The following SLC22A24 variants were observed in gnomAD, a reference collection of about 807,000 sequenced individuals.
SLC22A24 encodes solute carrier family 22 member 24.
In SLC22A24, 53 loss-of-function variants were observed where a neutral mutation model predicts 49.8. That is an observed-to-expected ratio of 1.06 (90% CI 0.85 to 1.34). The LOEUF (loss-of-function observed/expected upper bound fraction) is 1.34, where lower values mean the gene tolerates loss of function less well. Among genes scored for constraint, SLC22A24 ranks in the 40% most tolerant of loss-of-function variants. The pLI, the probability that SLC22A24 is intolerant of heterozygous loss-of-function variation, is 0.00. For synonymous variants in SLC22A24, 302 were observed against 256.4 expected (o/e 1.18, Z -1.70); for missense variants, 786 against 675.9 (o/e 1.16, Z -1.81).
intron 2 of SLC22A24, among the ~76,000 whole-genome samples, chr11:63,120,709 CA>C (rs1271023476): frequency 6.6e-6 from 1 of 152,056 alleles, no homozygotes; most frequent in Non-Finnish European, 1.5e-5. Flanking sequence ...AGCATACAAA[CA>C]AACTTTAGTT....
chr11:63,122,658 G>A (rs1043746767), intron 2 of SLC22A24, among the ~76,000 whole-genome samples: 27 of 151,978 alleles, frequency 1.8e-4, no homozygotes, highest in Non-Finnish European at 3.2e-4. Flanking sequence ...GGGACTACAG[G>A]CACCCATCAC....
At chr11:63,087,174 T>C (rs1455554740) in intron 6 of SLC22A24, among the ~76,000 whole-genome samples, 1 of 152,098 alleles carries the variant, frequency 6.6e-6, no homozygotes, top group Admixed American at 6.6e-5. Context: ...AGCTCTGGTC[T>C]GCAGCTCCCA....
chr11:63,083,173 TA>T, intron 7 of SLC22A24, 69 bp downstream of exon 7: 2 of 1,298,290 alleles, frequency 1.5e-6, no homozygotes, highest in Non-Finnish European at 1.1e-6. Context: ...GCACCAGGCA[TA>T]AAAGACCAAT....
At chr11:63,085,168 T>A (rs989606300) in intron 6 of SLC22A24, among the ~76,000 whole-genome samples, 1 of 152,024 alleles carries the variant, frequency 6.6e-6, no homozygotes, top group African/African-American at 2.4e-5. Context: ...AAATTAACAT[T>A]TTAGAAAAAT....
At chr11:63,111,434 C>G (rs1388845717) in intron 4 of SLC22A24, among the ~76,000 whole-genome samples, 1 of 151,772 alleles carries the variant, frequency 6.6e-6, no homozygotes, top group East Asian at 1.9e-4. Context: ...GTACCAGTTC[C>G]TCCTTGTACC....
intron 5 of SLC22A24, among the ~76,000 whole-genome samples, chr11:63,098,007 A>G (rs1030491472): frequency 1.3e-5 from 2 of 152,182 alleles, no homozygotes; most frequent in African/African-American, 4.8e-5. Flanking sequence ...TGATGGGTGC[A>G]GCAAACCACC....
At chr11:63,134,440 T>C (rs1026250555) in intron 2 of SLC22A24, among the ~76,000 whole-genome samples, 15 of 152,224 alleles carry the variant, frequency 9.9e-5, no homozygotes, top group African/African-American at 3.4e-4. Flanking sequence ...GATGTCTTTT[T>C]CTGTCCTCTT....
Position 63,081,105 on chromosome 11 carries a change from G to T in SLC22A24, c.1413C>A (p.Ile471=). Residue 471 remains isoleucine (I), a synonymous_variant, in exon 9 of 10, where the codon ATC becomes ATA. Transcript: ENST00000612278. ...PTILRSTVAG[I]NAVSGRTGAA... is the part of the protein sequence containing the mutation. ...CCCCAGTCCTACCGGACACTGCATT[G>T]ATTCCTGCAACTGTTGACCTTAGAG... 1 of 1,551,566 alleles carries T rather than the reference G, an allele frequency of 6.4e-7. No individual in the cohort carries two copies. The highest frequency in any genetic ancestry group is 1.2e-5 in the South Asian group (1 of 84,054).
At chr11:63,127,209 A>C (rs2087297918) in intron 2 of SLC22A24, among the ~76,000 whole-genome samples, 1 of 152,124 alleles carries the variant, frequency 6.6e-6, no homozygotes, top group African/African-American at 2.4e-5. Context: ...ACTCCCACCT[A>C]TAAGTGAGAA....
At chr11:63,113,605 C>T (rs1319541512) in intron 4 of SLC22A24, among the ~76,000 whole-genome samples, 3 of 151,962 alleles carry the variant, frequency 2.0e-5, no homozygotes, top group South Asian at 2.1e-4. Flanking sequence ...CCTGTAATCC[C>T]AGCACTTTGG....
Position 63,081,622 on chromosome 11 carries a change from T to A in SLC22A24, c.1330A>T (p.Ser444Cys). 1 of 1,551,580 alleles carries A rather than the reference T, an allele frequency of 6.4e-7. No individual in the cohort carries two copies. Among genetic ancestry groups the A allele is most frequent in the Non-Finnish European group, 8.7e-7 (1 of 1,146,896 alleles). The change falls in exon 8 of 10, where the codon AGT (serine) becomes TGT (cysteine). Residue 444 changes from serine (S) to cysteine (C), a missense_variant. Physicochemically the swap from Ser to Cys is moderately radical, Grantham distance 112. Transcript: ENST00000612278. ...RVVLATLGIG[S>C]VSAASNSASV... ...GCACTGTTGCTAGCAGCAGAAACAC[T>A]ACCAATTCCCAAAGTTGCTAAAACC...
intron 1 of SLC22A24, among the ~76,000 whole-genome samples, chr11:63,135,554 A>G (rs766479440): frequency 5.9e-5 from 9 of 152,198 alleles, no homozygotes; most frequent in Non-Finnish European, 1.3e-4. Flanking sequence ...TGGTTTTTGC[A>G]TTGTTGGAAT....
chr11:63,119,356 T>C, intron 2 of SLC22A24, 21 bp from the exon 3 acceptor site: 2 of 1,495,696 alleles, frequency 1.3e-6, no homozygotes, highest in Non-Finnish European at 1.8e-6. Context: ...TTAAACCAGA[T>C]AACGTTACTT....
At chr11:63,085,696 C>G (rs1426331168) in intron 6 of SLC22A24, among the ~76,000 whole-genome samples, 2 of 152,210 alleles carry the variant, frequency 1.3e-5, no homozygotes, top group African/African-American at 4.8e-5. Flanking sequence ...GCAACCTTAA[C>G]ACATAGCCCA....
rs748858128 is a variant in SLC22A24, at chr11:63,134,745, C to T, written c.426G>A (p.Gln142=). ...VTEWDLVCES[Q]SLKSMVQSLF... ...GGGATTGAACCATTGATTTTAGTGACTGAGATTCACATACCAGGTCCCACT... is the reference window on the plus strand; with the variant it reads ...GGGATTGAACCATTGATTTTAGTGATTGAGATTCACATACCAGGTCCCACT... The change falls in exon 2 of 10, where the codon CAG becomes CAA. Residue 142 remains glutamine, a synonymous_variant. Transcript: ENST00000612278. 116 of 1,572,084 alleles carry T rather than the reference C, an allele frequency of 7.4e-5. No individual in the cohort carries two copies. The highest frequency in any genetic ancestry group is 9.7e-5 in the Non-Finnish European group (112 of 1,156,970).
At chr11:63,125,680 G>T (rs761366636) in intron 2 of SLC22A24, among the ~76,000 whole-genome samples, 1 of 152,168 alleles carries the variant, frequency 6.6e-6, no homozygotes, top group Non-Finnish European at 1.5e-5. Flanking sequence ...CCCAGTAGTA[G>T]GATTCTGGGT....
intron 1 of SLC22A24, among the ~76,000 whole-genome samples, chr11:63,141,953 A>G (rs1382697255): frequency 6.6e-6 from 1 of 150,872 alleles, no homozygotes; most frequent in Non-Finnish European, 1.5e-5. Flanking sequence ...GCTGTTCTTG[A>G]TGTTTTTTTT....
intron 2 of SLC22A24, among the ~76,000 whole-genome samples, chr11:63,121,572 C>T (rs1012234153): frequency 1.4e-4 from 22 of 151,870 alleles, no homozygotes; most frequent in Non-Finnish European, 2.4e-4. Flanking sequence ...ATTAAAATAC[C>T]TGCATACCCA....
At chr11:63,083,602 C>A in intron 6 of SLC22A24, 145 bp from the exon 7 acceptor site, 2 of 640,726 alleles carry the variant, frequency 3.1e-6, no homozygotes, top group Non-Finnish European at 5.3e-6. Context: ...AAAAAGGGAT[C>A]ATTCTGTTTT....
Sources: gnomAD v4.1 joint callset for allele counts (sites outside exome capture counted in the v4.1 genomes callset) on GRCh38, gnomAD v4.1.1 for gene constraint, MANE v1.5 for transcripts, NCBI Gene and HGNC (gene_info 2026-07-23, HGNC 2026-07-21) for gene names.